Variants in SELENOF observed in about 807,000 individuals in gnomAD.
SELENOF encodes the protein 15 kDa selenoprotein.
Under a neutral mutation model 20.5 loss-of-function variants are expected in SELENOF, and 16 were observed. The observed-to-expected ratio is 0.78, with a 90% CI of 0.53 to 1.19. The LOEUF is 1.19. SELENOF is among the 50% of genes most tolerant of loss of function. The pLI is 0.00. For synonymous variants in SELENOF, 78 were observed against 74.5 expected, an observed-to-expected ratio of 1.05 and a Z score of -0.24; for missense variants, 215 against 194.2, an observed-to-expected ratio of 1.11 and a Z score of -0.64.
At chr1:86,874,256 A>G (rs1337473366) in intron 3 of SELENOF, among the ~76,000 whole-genome samples, 1 of 152,204 alleles carries the variant, frequency 6.6e-6, no homozygotes, top group Non-Finnish European at 1.5e-5. Context: ...GGCGTAAGCC[A>G]CCTTGCCCAG....
chr1:86,878,601 GA>G (rs1271154450), intron 3 of SELENOF, among the ~76,000 whole-genome samples: 10 of 152,220 alleles, frequency 6.6e-5, no homozygotes, highest in Admixed American at 5.9e-4. Flanking sequence ...AGAATCACTT[GA>G]ACCTGGGAGG....
chr1:86,869,079 A>T (rs1028059006), intron 3 of SELENOF, among the ~76,000 whole-genome samples: 3 of 152,224 alleles, frequency 2.0e-5, no homozygotes, highest in Non-Finnish European at 2.9e-5. Flanking sequence ...AAAGATTACA[A>T]AGAATACTAA....
chr1:86,898,757 ATT>A (rs201958269), intron 2 of SELENOF, among the ~76,000 whole-genome samples: 1 of 136,100 alleles, frequency 7.3e-6, no homozygotes. Flanking sequence ...AATTTTTTGT[ATT>A]TTTTTTTTGT....
chr1:86,899,909 G>A (rs1441726635), intron 2 of SELENOF, among the ~76,000 whole-genome samples: 2 of 151,478 alleles, frequency 1.3e-5, no homozygotes, highest in African/African-American at 2.4e-5. Flanking sequence ...CCTCCCAGAC[G>A]GGGTCGCGGC....
intron 2 of SELENOF, among the ~76,000 whole-genome samples, chr1:86,889,906 T>G (rs1460741450): frequency 1.3e-5 from 2 of 152,230 alleles, no homozygotes; most frequent in Non-Finnish European, 2.9e-5. Flanking sequence ...TAAGCCCTTG[T>G]ATCTTGCCTC....
chr1:86,903,910 T>G (rs577479429), intron 1 of SELENOF, among the ~76,000 whole-genome samples: 1 of 152,220 alleles, frequency 6.6e-6, no homozygotes, highest in Non-Finnish European at 1.5e-5. Flanking sequence ...TGTAACCTTA[T>G]GTAATAGTCT....
At chr1:86,889,068 C>G (rs17417765) in intron 2 of SELENOF, among the ~76,000 whole-genome samples, 14,125 of 151,552 alleles carry the variant, frequency 0.093, 764 homozygotes, top group Non-Finnish European at 0.12. Flanking sequence ...TAAAAAGATA[C>G]AAAAATAAAG....
chr1:86,912,047 G>A (rs797006691), intron 1 of SELENOF, among the ~76,000 whole-genome samples: 6 of 152,150 alleles, frequency 3.9e-5, no homozygotes, highest in Admixed American at 1.3e-4. Context: ...GCACTGGAAT[G>A]AGCCACCACA....
chr1:86,891,342 C>T (rs112340129), intron 2 of SELENOF, among the ~76,000 whole-genome samples: 3,563 of 151,452 alleles, frequency 0.024, 72 homozygotes, highest in African/African-American at 0.049. Context: ...AGTCACCACA[C>T]CTGGCTTCCA....
chr1:86,894,544 A>C (rs545621242), intron 2 of SELENOF, among the ~76,000 whole-genome samples: 1 of 152,240 alleles, frequency 6.6e-6, no homozygotes, highest in South Asian at 2.1e-4. Context: ...TAGAAAATTG[A>C]GCTCTACCTG....
intron 2 of SELENOF, among the ~76,000 whole-genome samples, chr1:86,894,329 CTT>C (rs1400633137): frequency 6.6e-6 from 1 of 151,840 alleles, no homozygotes. Flanking sequence ...TGATAGCTTG[CTT>C]TGTTTTTTTA....
At chr1:86,871,677 A>C (rs1658773381) in intron 3 of SELENOF, among the ~76,000 whole-genome samples, 1 of 152,206 alleles carries the variant, frequency 6.6e-6, no homozygotes, top group Non-Finnish European at 1.5e-5. Context: ...ACTGTATTTA[A>C]TTTCTCAATG....
At chr1:86,871,217 A>G (rs944074593) in intron 3 of SELENOF, among the ~76,000 whole-genome samples, 6 of 152,222 alleles carry the variant, frequency 3.9e-5, no homozygotes, top group African/African-American at 1.4e-4. Flanking sequence ...CAATACATCT[A>G]CAGTCTGCTT....
In SELENOF at chr1:86,897,958, A is replaced by G. The variant is rs148163278; in HGVS notation, c.252+5323T>C. ...GTTCATAAACAAGATCAATGGGAAG[A>G]GTTATACTCAACTGGACTGGGTATC... On this transcript the variant is annotated intron_variant, in intron 2 of 4. Transcript: ENST00000331835. 2.0e-3 allele frequency among the ~76,000 whole-genome samples: 305 copies of G among 152,356 alleles called. 2 individuals carry two copies. The highest frequency in any genetic ancestry group is 2.8e-3 in the Non-Finnish European group (189 of 68,030).
At chr1:86,887,972 T>C (rs927752873) in intron 2 of SELENOF, among the ~76,000 whole-genome samples, 2 of 152,098 alleles carry the variant, frequency 1.3e-5, no homozygotes, top group African/African-American at 4.8e-5. Context: ...TAAAAATGAC[T>C]CAAAGCGGCC....
chr1:86,907,757 G>C (rs1659866352), intron 1 of SELENOF, among the ~76,000 whole-genome samples: 1 of 152,116 alleles, frequency 6.6e-6, no homozygotes, highest in South Asian at 2.1e-4. Flanking sequence ...GCCAAGGTGG[G>C]TGGATCACCT....
At chr1:86,871,559 A>T (rs1457807584) in intron 3 of SELENOF, among the ~76,000 whole-genome samples, 4 of 152,336 alleles carry the variant, frequency 2.6e-5, no homozygotes, top group Admixed American at 6.5e-5. Flanking sequence ...TATAATAAAA[A>T]TGTATGCTAA....
chr1:86,885,248 A>G (rs1659184653), intron 2 of SELENOF, among the ~76,000 whole-genome samples: 1 of 152,210 alleles, frequency 6.6e-6, no homozygotes, highest in South Asian at 2.1e-4. Flanking sequence ...CAGCTACTCA[A>G]ACTGTACTGA....
At chr1:86,877,557 T>C (rs1282602650) in intron 3 of SELENOF, among the ~76,000 whole-genome samples, 1 of 152,202 alleles carries the variant, frequency 6.6e-6, no homozygotes, top group Non-Finnish European at 1.5e-5. Context: ...ATATATACCT[T>C]ATACATAAAG....
Sources: allele counts gnomAD v4.1 joint callset (sites outside exome capture counted in the v4.1 genomes callset), GRCh38; gene constraint gnomAD v4.1.1; transcripts MANE v1.5; gene names NCBI Gene and HGNC (gene_info 2026-07-23, HGNC 2026-07-21).